Variants in EPHA6 observed in about 807,000 individuals in gnomAD.
EPHA6 encodes the protein EPH receptor A6.
Under a neutral mutation model 112.0 loss-of-function variants are expected in EPHA6, and 50 were observed. The observed-to-expected ratio is 0.45, with a 90% CI of 0.36 to 0.56. EPHA6 has a LOEUF of 0.56. Among genes scored for constraint, EPHA6 ranks in the 20% least tolerant of loss-of-function variants. EPHA6 has a pLI of 0.00. For missense variants in EPHA6, 1,280 were observed against 1,417.4 expected (o/e 0.90, Z 1.56); for synonymous variants, 529 against 490.7 (o/e 1.08, Z -1.03).
chr3:97,542,835 C>T (rs2092883959), intron 11 of EPHA6, among the ~76,000 whole-genome samples: 1 of 152,202 alleles, frequency 6.6e-6, no homozygotes, highest in Admixed American at 6.5e-5. Context: ...TTGCATTTCT[C>T]TGATGGCCAG....
At position 96,987,844 on chromosome 3, in the gene EPHA6, C is replaced by T. The variant is rs866383716; in HGVS notation, c.965C>T (p.Ser322Phe). Residue 322 changes from serine to phenylalanine, a missense_variant, in exon 3 of 18, where the codon TCT becomes TTT. This residue lies in a region of EPHA6 where 878 missense variants were observed against 999.7 expected (regional missense o/e 0.88). Coordinates refer to ENST00000389672, the MANE Select transcript of EPHA6 (RefSeq NM_001080448.3). ...PDTIPRVDSS[S>F]LVEVRGSCVK... is the part of the protein sequence containing the mutation. ...ACCATTCCAAGGGTTGATTCCTCCTCTTTGGTTGAAGTACGGGGTTCTTGT... is the reference window on the plus strand; with the variant it reads ...ACCATTCCAAGGGTTGATTCCTCCTTTTTGGTTGAAGTACGGGGTTCTTGT... The T allele has an allele frequency of 1.2e-6, 2 of 1,613,890 alleles. No homozygotes were observed. Among genetic ancestry groups the T allele is most frequent in the Non-Finnish European group, 1.7e-6 (2 of 1,179,868 alleles).
At chr3:97,417,396 G>A (rs1430967987) in intron 6 of EPHA6, among the ~76,000 whole-genome samples, 1 of 151,888 alleles carries the variant, frequency 6.6e-6, no homozygotes, top group Non-Finnish European at 1.5e-5. Context: ...TCTTACTCCT[G>A]AACTCCTACT....
At position 97,661,193 on chromosome 3, in the gene EPHA6, A is replaced by C. The variant is rs114596115; in HGVS notation, c.2784+23111A>C. On this transcript the variant is annotated intron_variant, in intron 14 of 17. Transcript: ENST00000389672. ...TATTATACACTGCACTTTTCATATA[A>C]ATGGAAAATATTGAGAAGGATTTTT... is the stretch of plus-strand genomic sequence containing the variant. Among the ~76,000 whole-genome samples, 122 of 152,232 alleles carry C rather than the reference A, an allele frequency of 8.0e-4. 2 individuals are homozygous for C. The highest frequency in any genetic ancestry group is 2.6e-3 in the African/African-American group (110 of 41,542).
chr3:96,880,129 A>G (rs901216366), intron 2 of EPHA6, among the ~76,000 whole-genome samples: 1 of 152,056 alleles, frequency 6.6e-6, no homozygotes, highest in African/African-American at 2.4e-5. Flanking sequence ...AAATAACTAT[A>G]AGAGAGAATT....
At chr3:96,936,347 C>T (rs1213712428) in intron 2 of EPHA6, among the ~76,000 whole-genome samples, 1 of 151,122 alleles carries the variant, frequency 6.6e-6, no homozygotes, top group South Asian at 2.1e-4. Flanking sequence ...TTAAAGCATG[C>T]AAAATTAGGT....
chr3:97,317,536 T>C (rs2081903048), intron 5 of EPHA6, among the ~76,000 whole-genome samples: 1 of 152,062 alleles, frequency 6.6e-6, no homozygotes, highest in Non-Finnish European at 1.5e-5. Context: ...ATTTCCTTTT[T>C]TGTTTCGATA....
intron 6 of EPHA6, among the ~76,000 whole-genome samples, chr3:97,422,073 G>A (rs1266429828): frequency 1.4e-5 from 2 of 146,150 alleles, no homozygotes; most frequent in Non-Finnish European, 3.0e-5. Flanking sequence ...CAAATGAAAT[G>A]CATATTCTTA....
chr3:97,723,193 C>T (rs1348902264), intron 15 of EPHA6, among the ~76,000 whole-genome samples: 1 of 152,188 alleles, frequency 6.6e-6, no homozygotes, highest in African/African-American at 2.4e-5. Flanking sequence ...AGCAGAAGGA[C>T]AAATGAAGAT....
chr3:97,746,743 C>T (rs2035730777), intron 16 of EPHA6, among the ~76,000 whole-genome samples: 1 of 151,838 alleles, frequency 6.6e-6, no homozygotes, highest in South Asian at 2.1e-4. Context: ...GTTAACCCAA[C>T]CTAACATTGA....
At chr3:96,904,078 A>G (rs1466096003) in intron 2 of EPHA6, among the ~76,000 whole-genome samples, 2 of 152,048 alleles carry the variant, frequency 1.3e-5, no homozygotes, top group Non-Finnish European at 2.9e-5. Flanking sequence ...AACTAGAAAT[A>G]CCATTTGACC....
At chr3:97,129,651 A>G (rs2048284862) in intron 3 of EPHA6, among the ~76,000 whole-genome samples, 1 of 152,180 alleles carries the variant, frequency 6.6e-6, no homozygotes, top group Non-Finnish European at 1.5e-5. Flanking sequence ...TAATAGGTGA[A>G]GGAATACTGC....
intron 7 of EPHA6, among the ~76,000 whole-genome samples, chr3:97,474,347 T>C (rs977586577): frequency 5.3e-5 from 8 of 151,926 alleles, no homozygotes; most frequent in African/African-American, 1.9e-4. Flanking sequence ...AAAACAAGTT[T>C]AATTTAAGTT....
At chr3:97,376,647 A>G (rs1219316361) in intron 5 of EPHA6, among the ~76,000 whole-genome samples, 1 of 152,226 alleles carries the variant, frequency 6.6e-6, no homozygotes, top group Non-Finnish European at 1.5e-5. Flanking sequence ...AGAACACTGG[A>G]CAGTCACTTC....
In EPHA6 at chr3:97,413,325, A is replaced by C. The variant is rs571347064; in HGVS notation, c.1731+8051A>C. Among the ~76,000 whole-genome samples the C allele has an allele frequency of 3.9e-5, 6 of 151,978 alleles. No homozygotes were observed. The East Asian group carries it at 1.2e-3, about 29-fold the overall frequency. On this transcript the variant is annotated intron_variant, in intron 6 of 17. Coordinates refer to ENST00000389672, the MANE Select transcript of EPHA6 (RefSeq NM_001080448.3). ...CTGAGGAAAAAAGTACAGCCATTGG[A>C]GCATCTGTGACCTGAGTTTTTTCCA...
intron 1 of EPHA6, among the ~76,000 whole-genome samples, chr3:96,848,860 T>A (rs2035229469): frequency 6.6e-6 from 1 of 152,148 alleles, no homozygotes; most frequent in Non-Finnish European, 1.5e-5. Context: ...TATAAAATTT[T>A]CTGAGGTTTG....
At chr3:97,385,725 G>A (rs1217283062) in intron 5 of EPHA6, among the ~76,000 whole-genome samples, 1 of 152,164 alleles carries the variant, frequency 6.6e-6, no homozygotes, top group East Asian at 1.9e-4. Flanking sequence ...TCCTGCTTCT[G>A]GGGAAGCCTC....
chr3:97,304,780 A>G (rs953965857), intron 5 of EPHA6, among the ~76,000 whole-genome samples: 1 of 152,102 alleles, frequency 6.6e-6, no homozygotes, highest in African/African-American at 2.4e-5. Context: ...AAAACCTAAA[A>G]AAGCCCCAGA....
intron 2 of EPHA6, among the ~76,000 whole-genome samples, chr3:96,882,453 C>G (rs1327909460): frequency 6.6e-6 from 1 of 152,120 alleles, no homozygotes; most frequent in Non-Finnish European, 1.5e-5. Context: ...CACCTATCAC[C>G]TGAGCAGTAT....
chr3:97,731,422 G>C (rs527528826), intron 15 of EPHA6, among the ~76,000 whole-genome samples: 1 of 152,188 alleles, frequency 6.6e-6, no homozygotes, highest in African/African-American at 2.4e-5. Flanking sequence ...GCCATAAGCA[G>C]ATAGGTGACA....
Sources: gnomAD v4.1 joint callset for allele counts (sites outside exome capture counted in the v4.1 genomes callset) on GRCh38, gnomAD v4.1.1 for gene constraint, gnomAD v4.1.1 regional missense constraint, MANE v1.5 for transcripts, NCBI Gene and HGNC (gene_info 2026-07-23, HGNC 2026-07-21) for gene names.